Variants in TRPM4 observed in about 807,000 individuals in gnomAD.
The protein encoded by TRPM4 is transient receptor potential cation channel subfamily M member 4.
A neutral mutation model predicts 135.6 loss-of-function variants in TRPM4; 124 were observed. That is an observed-to-expected ratio of 0.91 (90% confidence interval 0.79 to 1.06). The LOEUF (loss-of-function observed/expected upper bound fraction) is 1.06. TRPM4 is among the 50% of genes least tolerant of loss of function. The pLI is 0.00. For missense variants in TRPM4, 1,658 were observed against 1,671.4 expected (o/e 0.99, Z 0.14); for synonymous variants, 745 against 705.6 (o/e 1.06, Z -0.88).
Position 49,171,833 on chromosome 19 carries a change from G to C in TRPM4, c.1050+64G>C. On this transcript the variant is annotated intron_variant, in intron 8 of 24. Coordinates refer to ENST00000252826, the MANE Select transcript of TRPM4 (RefSeq NM_017636.4). The surrounding 1 kb of genome is among the most constrained non-coding windows in gnomAD (Gnocchi z 4.7). Reference sequence around the variant, plus strand: ...GAGGGAACTGGGGACTTGGGCTCCTGGGTCTGAGGGAGGAGGGGCTGGGGG... The same window carrying C: ...GAGGGAACTGGGGACTTGGGCTCCTCGGTCTGAGGGAGGAGGGGCTGGGGG... 7 of 1,549,238 alleles carry C rather than the reference G, an allele frequency of 4.5e-6. No homozygotes were observed. The highest frequency in any genetic ancestry group is 6.2e-6 in the Non-Finnish European group (7 of 1,133,652).
chr19:49,158,444 T>A lies in TRPM4; in HGVS notation c.92+185T>A, dbSNP rs1236412135. The stretch of plus-strand genomic sequence containing the variant: ...CTGTGTAGACACCCCTCATTCCCCA[T>A]TCGCCATTCTCCCGCTCAGGGTCAG... On this transcript the variant is annotated intron_variant, in intron 2 of 24. Transcript: ENST00000252826. 8 of 638,062 alleles carry A rather than the reference T, an allele frequency of 1.3e-5. No individual in the cohort carries two copies. In the East Asian group the frequency reaches 2.1e-4, roughly 17 times the overall value. The allele number at this position is 638,062 out of a possible 1,614,324, so 39.5% of individuals were successfully genotyped here.
intron 19 of TRPM4, 91 bp from the exon 20 acceptor site, chr19:49,201,873 T>G (rs1968945396): frequency 7.2e-7 from 1 of 1,384,406 alleles, no homozygotes; most frequent in Non-Finnish European, 1.0e-6. Flanking sequence ...AGTGCTGGGA[T>G]TACAGGCGTG....
chr19:49,203,416 T>C (rs904828787), intron 20 of TRPM4, among the ~76,000 whole-genome samples: 1 of 152,162 alleles, frequency 6.6e-6, no homozygotes, highest in Admixed American at 6.6e-5. Context: ...CCTGACCTTG[T>C]GATCCGCCCG....
Position 49,158,290 on chromosome 19 carries a change from A to G in TRPM4, c.92+31A>G, listed in dbSNP as rs11882563. On this transcript the variant is annotated intron_variant, in intron 2 of 24. Transcript: ENST00000252826. ...GAGTTCGCCCCTGGACTGACCCCAG[A>G]GGGTCCGCGGCCCGCTGACCCCGCC... is the stretch of plus-strand genomic sequence containing the variant. The G allele has an allele frequency of 0.15, 241,602 of 1,606,486 alleles. 20,601 individuals are homozygous for G. Among genetic ancestry groups the G allele is most frequent in the African/African-American group, 0.31 (22,888 of 74,666 alleles).
intron 16 of TRPM4, among the ~76,000 whole-genome samples, chr19:49,192,667 G>T (rs1376639535): frequency 2.6e-5 from 4 of 152,068 alleles, no homozygotes; most frequent in African/African-American, 9.6e-5. Flanking sequence ...CACACATTGG[G>T]GCCTATTGGA....
In TRPM4 at chr19:49,210,719, T is replaced by C. The variant is rs748000178; in HGVS notation, c.3338T>C (p.Leu1113Pro). The change falls in exon 22 of 25, where the codon CTT (leucine) becomes CCT (proline). Residue 1113 changes from leucine to proline, a missense_variant. Leu to Pro is a moderately conservative substitution (Grantham distance 98, BLOSUM62 -3). Coordinates refer to ENST00000252826, the MANE Select transcript of TRPM4 (RefSeq NM_017636.4). The surrounding 1 kb of genome is among the most constrained non-coding windows in gnomAD (Gnocchi z 4.1). The part of the protein sequence containing the change: ...SPALEHFRVY[L>P]SKEAERKLLT... ...CCGCCCGCCCCTGCAGGGGTTTACC[T>C]TTCTAAGGAAGCCGAGCGGAAGCTG... 1.2e-6 allele frequency: 2 copies of C among 1,614,160 alleles called. No individual in the cohort carries two copies. Among genetic ancestry groups the C allele is most frequent in the South Asian group, 2.2e-5 (2 of 91,046 alleles).
Position 49,175,067 on chromosome 19 carries a change from C to CTTTTTTTTTTTTTTTTTTTTTTT in TRPM4, c.1150+2962_1150+2984dup, listed in dbSNP as rs772062913. Reference sequence around the variant, plus strand: ...CACAGGCATGTGCCATCATGCCTGGCTTTTTTTTTTTTTTTTTTTTTTTTT... The same window carrying CTTTTTTTTTTTTTTTTTTTTTTT: ...CACAGGCATGTGCCATCATGCCTGGCTTTTTTTTTTTTTTTTTTTTTTTTTTTTTTTTTTTTTTTTTTTTTTTT... On this transcript the variant is annotated intron_variant, in intron 9 of 24. Transcript: ENST00000252826. Among the ~76,000 whole-genome samples, 7 of 77,582 alleles carry CTTTTTTTTTTTTTTTTTTTTTTT rather than the reference C, an allele frequency of 9.0e-5. 1 individual carries two copies. The highest frequency in any genetic ancestry group is 3.0e-4 in the African/African-American group (4 of 13,532). 50.9% of individuals were successfully genotyped at this position (77,582 alleles called of 152,430 possible).
intron 17 of TRPM4, among the ~76,000 whole-genome samples, chr19:49,199,416 G>A (rs963772901): frequency 6.6e-6 from 1 of 152,012 alleles, no homozygotes; most frequent in Non-Finnish European, 1.5e-5. Flanking sequence ...CTGCCTCCAC[G>A]CCCGGCTAAT....
Position 49,171,674 on chromosome 19 carries a change from CTG to C in TRPM4, c.956_957del (p.Leu319ArgfsTer26). 5 of 1,614,038 alleles carry C rather than the reference CTG, an allele frequency of 3.1e-6. No homozygotes were observed. The highest frequency in any genetic ancestry group is 4.2e-6 in the Non-Finnish European group (5 of 1,180,016). ...CCTGGCGGAGACCCTGGAAGACACT[CTG>C]GCCCCAGGGAGTGGGGGAGCCAGGC... ...DCLAETLEDT[L>X]APGSGGARQG... On this transcript the variant is annotated frameshift_variant, in exon 8 of 25. Coordinates refer to ENST00000252826, the MANE Select transcript of TRPM4 (RefSeq NM_017636.4). LOFTEE classifies it high-confidence loss of function. The surrounding 1 kb of genome is among the most constrained non-coding windows in gnomAD (Gnocchi z 4.7).
chr19:49,193,304 A>G (rs1259022510), intron 16 of TRPM4, among the ~76,000 whole-genome samples: 1 of 151,886 alleles, frequency 6.6e-6, no homozygotes, highest in Non-Finnish European at 1.5e-5. Flanking sequence ...GATGGTCTCG[A>G]TCTCCTGACC....
At chr19:49,198,143 A>C (rs554118798) in intron 17 of TRPM4, among the ~76,000 whole-genome samples, 46 of 152,228 alleles carry the variant, frequency 3.0e-4, no homozygotes, top group Admixed American at 4.6e-4. Context: ...GATTCAACAT[A>C]AATAATTTAT....
At chr19:49,175,369 C>T (rs1428864785) in intron 9 of TRPM4, among the ~76,000 whole-genome samples, 3 of 151,432 alleles carry the variant, frequency 2.0e-5, no homozygotes, top group Non-Finnish European at 4.4e-5. Flanking sequence ...GCCACTGTGC[C>T]CAGCCTTTTT....
At chr19:49,163,077 AT>A (rs1169831911) in intron 2 of TRPM4, among the ~76,000 whole-genome samples, 1 of 151,086 alleles carries the variant, frequency 6.6e-6, no homozygotes, top group Non-Finnish European at 1.5e-5. Context: ...TTTTTATTTG[AT>A]TTAATTTTAA....
chr19:49,190,782 A>C lies in TRPM4; in HGVS notation c.2210+9A>C, dbSNP rs1600483301. ...GGGGAAGGGCCTGTCGGGTGAGTGG[A>C]GCCTCCAGCACTGTGTGAGGTGGGG... On this transcript the variant is annotated intron_variant, in intron 16 of 24. Transcript: ENST00000252826. 8.1e-6 allele frequency: 13 copies of C among 1,613,902 alleles called. No individual in the cohort carries two copies. The highest frequency in any genetic ancestry group is 1.1e-5 in the Non-Finnish European group (13 of 1,179,830).
intron 9 of TRPM4, among the ~76,000 whole-genome samples, chr19:49,176,335 C>G (rs1418026166): frequency 6.6e-6 from 1 of 152,134 alleles, no homozygotes; most frequent in Admixed American, 6.6e-5. Context: ...TCAAGTGATT[C>G]TCTCGCATCA....
In TRPM4 at chr19:49,182,451, C is replaced by CCACCCAT. The variant is rs1968007390; in HGVS notation, c.1264-126_1264-125insACCCATC. 2.2e-4 allele frequency: 151 copies of CCACCCAT among 687,758 alleles called. No homozygotes were observed. In the African/African-American group the frequency reaches 2.4e-3, roughly 11 times the overall value. 42.6% of individuals were successfully genotyped at this position (687,758 alleles called of 1,614,324 possible). On this transcript the variant is annotated intron_variant, in intron 10 of 24. Transcript: ENST00000252826. ...ACCTATCCATTCATCCATCCATCCA[C>CCACCCAT]CCATCCATCCATCCATCCATCCATC... is the stretch of plus-strand genomic sequence containing the variant.
intron 12 of TRPM4, among the ~76,000 whole-genome samples, chr19:49,187,819 G>A (rs190074942): frequency 2.8e-4 from 42 of 152,250 alleles, no homozygotes; most frequent in Non-Finnish European, 1.5e-4. Context: ...GTGCTGATTG[G>A]TCAGGTTGGA....
chr19:49,168,208 T>C, intron 4 of TRPM4, 52 bp from the exon 5 acceptor site: 4 of 1,611,160 alleles, frequency 2.5e-6, no homozygotes, highest in Non-Finnish European at 3.4e-6. Context: ...GTCTCTGTCT[T>C]ATTCTTTGTT....
chr19:49,197,358 TTCTTTCTCTC>T (rs1490413620), intron 17 of TRPM4, among the ~76,000 whole-genome samples: 2 of 100,540 alleles, frequency 2.0e-5, no homozygotes, highest in Non-Finnish European at 3.7e-5. Flanking sequence ...CTTTCTTTCT[TTCTTTCTCTC>T]TCTTTCTTTT....
Sources: gnomAD v4.1 joint callset for allele counts (sites outside exome capture counted in the v4.1 genomes callset) on GRCh38, gnomAD v4.1.1 for gene constraint, Gnocchi (gnomAD v3.1) non-coding constraint, MANE v1.5 for transcripts, NCBI Gene and HGNC (gene_info 2026-07-23, HGNC 2026-07-21) for gene names.